Variants in FOXP4 observed in about 807,000 individuals in gnomAD.
FOXP4 encodes the protein forkhead box P4.
Under a neutral mutation model 82.6 loss-of-function variants are expected in FOXP4, and 25 were observed. The observed-to-expected ratio is 0.30, with a 90% CI of 0.22 to 0.42. The LOEUF (loss-of-function observed/expected upper bound fraction) is 0.42, where lower values mean the gene tolerates loss of function less well. Among genes scored for constraint, FOXP4 ranks in the 10% least tolerant of loss-of-function variants. FOXP4 has a pLI of 1.00. For missense variants in FOXP4, 785 were observed against 900.9 expected (o/e 0.87, Z 1.65); for synonymous variants, 415 against 388.2 (o/e 1.07, Z -0.81).
chr6:41,553,119 A>G (rs994743220), intron 1 of FOXP4, among the ~76,000 whole-genome samples: 1 of 152,146 alleles, frequency 6.6e-6, no homozygotes, highest in Admixed American at 6.6e-5. Flanking sequence ...CCTTCTTGAA[A>G]GGGGTGCTGT....
chr6:41,547,842 G>A (rs1355137287), intron 1 of FOXP4, among the ~76,000 whole-genome samples: 3 of 145,542 alleles, frequency 2.1e-5, no homozygotes, highest in East Asian at 4.1e-4. Flanking sequence ...CTCTCTGACC[G>A]GCGGCGCTTC....
chr6:41,569,425 G>A (rs1765059662), intron 2 of FOXP4, among the ~76,000 whole-genome samples: 1 of 152,204 alleles, frequency 6.6e-6, no homozygotes, highest in Admixed American at 6.5e-5. Context: ...TCTTTTCTTC[G>A]AAAGTTGCCC....
Position 41,591,110 on chromosome 6 carries a change from CAA to C in FOXP4, c.1435-109_1435-108del. 1.2e-6 allele frequency: 1 copy of C among 860,236 alleles called. No individual in the cohort carries two copies. Among genetic ancestry groups the C allele is most frequent in the Non-Finnish European group, 1.9e-6 (1 of 530,750 alleles). 53.3% of individuals were successfully genotyped at this position (860,236 alleles called of 1,614,324 possible). ...ACACATTTCTGAGCAGGTCTTCTCA[CAA>C]AGTGAACTCGGGGCTAGGCAGAAGG... On this transcript the variant is annotated intron_variant, in intron 12 of 16. Coordinates refer to ENST00000307972, the MANE Select transcript of FOXP4 (RefSeq NM_001012426.2). This position sits in a 1 kb window ranked among gnomAD's most constrained non-coding sequence, Gnocchi z 4.2.
Position 41,585,498 on chromosome 6 carries a change from G to A in FOXP4, c.491G>A (p.Gly164Glu). ...HLQLLTQQQA[G>E]KPQPKEALGN... is the part of the protein sequence containing the mutation. ...CAGCTCCTCACCCAGCAGCAGGCTG[G>A]GAAACCGCAGCCCAAAGAGGTAAGG... The change falls in exon 5 of 17, where the codon GGG becomes GAG. Residue 164 changes from glycine (G) to glutamate (E), a missense_variant. Gly to Glu is a moderately conservative substitution (Grantham distance 98, BLOSUM62 -2). Coordinates refer to ENST00000307972, the MANE Select transcript of FOXP4 (RefSeq NM_001012426.2). 3 of 1,613,830 alleles carry A rather than the reference G, an allele frequency of 1.9e-6. No homozygotes were observed. Among genetic ancestry groups the A allele is most frequent in the Non-Finnish European group, 2.5e-6 (3 of 1,179,878 alleles).
chr6:41,577,570 C>T (rs1260148606), intron 2 of FOXP4, among the ~76,000 whole-genome samples: 2 of 152,188 alleles, frequency 1.3e-5, no homozygotes, highest in East Asian at 3.8e-4. Context: ...ATAATCCCTA[C>T]CTTACAGCCT....
At chr6:41,585,741 T>C (rs1051898550) in intron 5 of FOXP4, among the ~76,000 whole-genome samples, 3 of 151,154 alleles carry the variant, frequency 2.0e-5, no homozygotes, top group African/African-American at 7.3e-5. Context: ...CTCGTGTTGT[T>C]GTCTCTGTGC....
At chr6:41,580,195 C>T (rs1317456811) in intron 3 of FOXP4, among the ~76,000 whole-genome samples, 1 of 152,048 alleles carries the variant, frequency 6.6e-6, no homozygotes, top group Non-Finnish European at 1.5e-5. Context: ...GCATGCACCA[C>T]CAAGCCCAGC....
chr6:41,552,361 C>G, intron 1 of FOXP4, among the ~76,000 whole-genome samples: 1 of 152,178 alleles, frequency 6.6e-6, no homozygotes, highest in East Asian at 1.9e-4. Flanking sequence ...GCTGTAAGCA[C>G]TCAGGGAGCA....
rs540759209 is a variant in FOXP4 at position 41,588,982 on chromosome 6, C to T, written c.1065+251C>T. On this transcript the variant is annotated intron_variant, in intron 9 of 16. Coordinates refer to ENST00000307972, the MANE Select transcript of FOXP4 (RefSeq NM_001012426.2). ...AGAAGAGACTCACGCTACATAGAAACATCAAAAATAATTATTAGCAGCTAA... is the reference window on the plus strand; with the variant it reads ...AGAAGAGACTCACGCTACATAGAAATATCAAAAATAATTATTAGCAGCTAA... Among the ~76,000 whole-genome samples the T allele has an allele frequency of 2.7e-3, 415 of 152,314 alleles. 1 individual carries two copies. The highest frequency in any genetic ancestry group is 6.1e-3 in the Admixed American group (94 of 15,302).
At position 41,587,567 on chromosome 6, in the gene FOXP4, G is replaced by GC. The variant is rs1766223376; in HGVS notation, c.872+61dup. The GC allele has an allele frequency of 4.3e-6, 6 of 1,390,432 alleles. No homozygotes were observed. The East Asian group carries it at 9.3e-5, about 22-fold the overall frequency. 86.1% of individuals were successfully genotyped at this position (1,390,432 alleles called of 1,614,324 possible). A position where few individuals can be genotyped will look rare whatever the true frequency, so the allele number is the denominator to read the frequency against. ...AAAGGCCTGCCTGGGGGTAGACCTG[G>GC]CCCCCCACCCATGAGGGCTGACTGT... On this transcript the variant is annotated intron_variant, in intron 7 of 16. Coordinates refer to ENST00000307972, the MANE Select transcript of FOXP4 (RefSeq NM_001012426.2).
intron 4 of FOXP4, 121 bp downstream of exon 4, chr6:41,585,012 G>A (rs1204222508): frequency 7.5e-7 from 1 of 1,328,828 alleles, no homozygotes; most frequent in Admixed American, 2.7e-5. Flanking sequence ...GCTCAGGCCA[G>A]ACTGATCTGC....
intron 1 of FOXP4, among the ~76,000 whole-genome samples, chr6:41,554,597 T>C (rs961667420): frequency 6.6e-6 from 1 of 152,192 alleles, no homozygotes; most frequent in Non-Finnish European, 1.5e-5. Flanking sequence ...CAGTGGCTCA[T>C]GCCTGTAGTC....
chr6:41,584,944 C>T (rs1766019177), intron 4 of FOXP4, 53 bp downstream of exon 4: 4 of 1,544,300 alleles, frequency 2.6e-6, no homozygotes, highest in East Asian at 2.3e-5. Context: ...GGCCTGGCTC[C>T]TCCCACCCTG....
Position 41,585,466 on chromosome 6 carries a change from CCACCTG to C in FOXP4, c.462_467del (p.His154_Leu155del), listed in dbSNP as rs759132444. On this transcript the variant is annotated inframe_deletion, in exon 5 of 17. Coordinates refer to ENST00000307972, the MANE Select transcript of FOXP4 (RefSeq NM_001012426.2). Reference sequence around the variant, plus strand: ...ACTACAAGAAGCAGCAGGAGCAGCTCCACCTGCAGCTCCTCACCCAGCAGCAGGCTG... The same window carrying C: ...ACTACAAGAAGCAGCAGGAGCAGCTCCAGCTCCTCACCCAGCAGCAGGCTG... 1 of 1,613,920 alleles carries C rather than the reference CCACCTG, an allele frequency of 6.2e-7. No homozygotes were observed. The highest frequency in any genetic ancestry group is 1.7e-5 in the Admixed American group (1 of 60,008).
chr6:41,570,766 G>C (rs1356743290), intron 2 of FOXP4, among the ~76,000 whole-genome samples: 5 of 152,212 alleles, frequency 3.3e-5, no homozygotes, highest in African/African-American at 1.2e-4. Context: ...GAAGGGAGAT[G>C]AATGTTCCTT....
chr6:41,560,157 G>A (rs9369289), intron 1 of FOXP4, among the ~76,000 whole-genome samples: 16,783 of 152,054 alleles, frequency 0.11, 1,036 homozygotes, highest in East Asian at 0.18. Flanking sequence ...AGTAGGCCAG[G>A]TGCAGTGTCT....
At chr6:41,567,150 C>A (rs751342279) in intron 2 of FOXP4, among the ~76,000 whole-genome samples, 4 of 152,230 alleles carry the variant, frequency 2.6e-5, no homozygotes, top group Non-Finnish European at 5.9e-5. Context: ...CCCAGCCAGC[C>A]CATTAACCAG....
At chr6:41,561,728 C>G (rs1475466598) in intron 1 of FOXP4, among the ~76,000 whole-genome samples, 1 of 152,252 alleles carries the variant, frequency 6.6e-6, no homozygotes, top group Admixed American at 6.5e-5. Context: ...GACCGACCAT[C>G]AGTGCCTACC....
At chr6:41,597,129 G>A in intron 14 of FOXP4, 47 bp from the exon 15 acceptor site, 2 of 1,586,712 alleles carry the variant, frequency 1.3e-6, no homozygotes, top group South Asian at 1.1e-5. Context: ...TGCGAATGAA[G>A]AGCTAAGTGA....
Sources: gnomAD v4.1 joint callset for allele counts (sites outside exome capture counted in the v4.1 genomes callset) on GRCh38, gnomAD v4.1.1 for gene constraint, Gnocchi (gnomAD v3.1) non-coding constraint, MANE v1.5 for transcripts, NCBI Gene and HGNC (gene_info 2026-07-23, HGNC 2026-07-21) for gene names.